Variants in IQCH observed in about 807,000 individuals in gnomAD.
IQCH encodes IQ motif containing H.
A neutral mutation model predicts 117.0 loss-of-function variants in IQCH; 98 were observed. The observed-to-expected ratio is 0.84, with a 90% CI of 0.71 to 0.99. The LOEUF (loss-of-function observed/expected upper bound fraction) is 0.99, where lower values mean the gene tolerates loss of function less well. IQCH is among the 50% of genes least tolerant of loss of function. The probability of loss-of-function intolerance (pLI) is 0.00; values close to 1 mark genes in which losing one functional copy is unlikely to be tolerated. For missense variants in IQCH, 1,102 were observed against 1,243.8 expected (o/e 0.89, Z 1.72); for synonymous variants, 412 against 448.2 (o/e 0.92, Z 1.02).
At chr15:67,258,112 TC>T (rs951380481) in intron 1 of IQCH, among the ~76,000 whole-genome samples, 10 of 151,564 alleles carry the variant, frequency 6.6e-5, no homozygotes, top group Non-Finnish European at 1.0e-4. Flanking sequence ...GCACCTGTAA[TC>T]CCAGCTACTT....
intron 18 of IQCH, among the ~76,000 whole-genome samples, chr15:67,486,238 C>T (rs2083476853): frequency 6.6e-6 from 1 of 151,566 alleles, no homozygotes; most frequent in Non-Finnish European, 1.5e-5. Context: ...CAGCATTTCA[C>T]CATGCTGGCC....
rs999893790 is a variant in IQCH at position 67,491,800 on chromosome 15, C to T, written c.2861+1736C>T. Among the ~76,000 whole-genome samples, 1 of 152,094 alleles carries T rather than the reference C, an allele frequency of 6.6e-6. No individual in the cohort carries two copies. Among genetic ancestry groups the T allele is most frequent in the African/African-American group, 2.4e-5 (1 of 41,414 alleles). On this transcript the variant is annotated intron_variant, in intron 19 of 20. Coordinates refer to ENST00000335894, the MANE Select transcript of IQCH (RefSeq NM_001031715.3). The surrounding 1 kb of genome is among the most constrained non-coding windows in gnomAD (Gnocchi z 4.9). ...TTCTGCCCCTCAGCTCCCTCCCTGC[C>T]CCACCCTTCCTTACCAGAAAATTTG... is the stretch of plus-strand genomic sequence containing the variant.
At chr15:67,311,227 C>G (rs1246579508) in intron 4 of IQCH, among the ~76,000 whole-genome samples, 1 of 152,016 alleles carries the variant, frequency 6.6e-6, no homozygotes, top group African/African-American at 2.4e-5. Context: ...GGAATGTAAG[C>G]AGTTGGTAGA....
Position 67,381,739 on chromosome 15 carries a change from G to C in IQCH, c.1373-3197G>C, listed in dbSNP as rs1970936012. On this transcript the variant is annotated intron_variant, in intron 10 of 20. Transcript: ENST00000335894. The surrounding 1 kb of genome is among the most constrained non-coding windows in gnomAD (Gnocchi z 5.1). ...CTCATGCCTATAATACCAGCACTTTGGGAGGCTGAGGTGGGTGGATCACTT... is the reference window on the plus strand; with the variant it reads ...CTCATGCCTATAATACCAGCACTTTCGGAGGCTGAGGTGGGTGGATCACTT... 6.6e-6 allele frequency among the ~76,000 whole-genome samples: 1 copy of C among 152,166 alleles called. No homozygotes were observed. The highest frequency in any genetic ancestry group is 2.4e-5 in the African/African-American group (1 of 41,432).
At chr15:67,339,968 C>T (rs28538466) in intron 5 of IQCH, among the ~76,000 whole-genome samples, 1 of 151,364 alleles carries the variant, frequency 6.6e-6, no homozygotes, top group East Asian at 1.9e-4. Flanking sequence ...GGGTAAATTT[C>T]TCTCTTCTAG....
At chr15:67,269,689 A>C (rs1215305386) in intron 3 of IQCH, among the ~76,000 whole-genome samples, 1 of 72,234 alleles carries the variant, frequency 1.4e-5, no homozygotes, top group African/African-American at 5.7e-5. Context: ...CTCCATATTC[A>C]TGAGATCCAC....
intron 4 of IQCH, among the ~76,000 whole-genome samples, chr15:67,321,231 A>C (rs992266407): frequency 6.6e-6 from 1 of 152,148 alleles, no homozygotes; most frequent in African/African-American, 2.4e-5. Context: ...GCAGATGCCC[A>C]CGCTTCAGAT....
chr15:67,295,679 A>C (rs904191840), intron 4 of IQCH, among the ~76,000 whole-genome samples: 1 of 152,136 alleles, frequency 6.6e-6, no homozygotes, highest in African/African-American at 2.4e-5. Context: ...TATTTAAACA[A>C]TATTCTTCTA....
At chr15:67,455,356 C>T (rs1221270543) in intron 16 of IQCH, among the ~76,000 whole-genome samples, 1 of 152,196 alleles carries the variant, frequency 6.6e-6, no homozygotes, top group African/African-American at 2.4e-5. Context: ...CTGAACTCTA[C>T]TCCTGACCAA....
chr15:67,261,481 A>G (rs1322630716), intron 2 of IQCH, 87 bp downstream of exon 2: 1 of 1,163,476 alleles, frequency 8.6e-7, no homozygotes, highest in Non-Finnish European at 1.2e-6. Flanking sequence ...AGAGTCCTGC[A>G]TAATTCTGTA....
intron 19 of IQCH, among the ~76,000 whole-genome samples, chr15:67,492,339 A>T (rs1175158173): frequency 1.3e-5 from 2 of 152,178 alleles, no homozygotes; most frequent in African/African-American, 2.4e-5. Context: ...AAGATTAACT[A>T]CAAAGGAGAA....
chr15:67,408,769 A>G lies in IQCH; in HGVS notation c.2098-8162A>G, dbSNP rs1404079660. Among the ~76,000 whole-genome samples the G allele has an allele frequency of 6.6e-6, 1 of 152,012 alleles. No individual in the cohort carries two copies. The highest frequency in any genetic ancestry group is 1.5e-5 in the Non-Finnish European group (1 of 68,004). On this transcript the variant is annotated intron_variant, in intron 14 of 20. Coordinates refer to ENST00000335894, the MANE Select transcript of IQCH (RefSeq NM_001031715.3). This position sits in a 1 kb window ranked among gnomAD's most constrained non-coding sequence, Gnocchi z 4.2. ...TAAAGAGCTTTCATCAGCATATGCA[A>G]TTTTCTCAACCAGCGATATTTCTCT...
In IQCH at chr15:67,279,443, A is replaced by G; in HGVS notation, c.318A>G (p.Glu106=). ...IDQKSFIFPQ[E]SEGTFWQPQR... is the part of the protein sequence containing the mutation. ...AGAAATCATTTATTTTCCCTCAGGA[A>G]TCTGAGGGTACATTTTGGCAACCCC... is the stretch of plus-strand genomic sequence containing the variant. The change falls in exon 4 of 21, where the codon GAA becomes GAG. Residue 106 remains glutamate, a synonymous_variant. Coordinates refer to ENST00000335894, the MANE Select transcript of IQCH (RefSeq NM_001031715.3). 2 of 1,609,570 alleles carry G rather than the reference A, an allele frequency of 1.2e-6. No homozygotes were observed. Among genetic ancestry groups the G allele is most frequent in the Non-Finnish European group, 1.7e-6 (2 of 1,176,812 alleles).
At position 67,426,484 on chromosome 15, in the gene IQCH, C is replaced by T. The variant is rs532547242; in HGVS notation, c.2505+4907C>T. On this transcript the variant is annotated intron_variant, in intron 16 of 20. Coordinates refer to ENST00000335894, the MANE Select transcript of IQCH (RefSeq NM_001031715.3). The surrounding 1 kb of genome is among the most constrained non-coding windows in gnomAD (Gnocchi z 5.1). ...ATTTGGGGTACAATTACAATGTATC[C>T]ACATTGTATGCATGTATCAAAATAG... Among the ~76,000 whole-genome samples the T allele has an allele frequency of 7.2e-4, 109 of 151,588 alleles. 1 individual carries two copies. The South Asian group carries it at 0.023, about 32-fold the overall frequency.
intron 10 of IQCH, among the ~76,000 whole-genome samples, chr15:67,380,381 C>CA (rs1245972218): frequency 6.6e-6 from 1 of 152,158 alleles, no homozygotes; most frequent in Non-Finnish European, 1.5e-5. Context: ...AATAGCCCCC[C>CA]AAAAAACCAA....
At chr15:67,317,889 C>T (rs546435089) in intron 4 of IQCH, among the ~76,000 whole-genome samples, 2 of 152,076 alleles carry the variant, frequency 1.3e-5, no homozygotes, top group African/African-American at 2.4e-5. Context: ...CTTCCCACCC[C>T]CAAGCCCTAC....
At chr15:67,468,875 T>C (rs940948636) in intron 17 of IQCH, among the ~76,000 whole-genome samples, 2 of 152,234 alleles carry the variant, frequency 1.3e-5, no homozygotes, top group Non-Finnish European at 2.9e-5. Flanking sequence ...ATTTATTACA[T>C]AAGGATTTCA....
chr15:67,312,461 A>G (rs955328432), intron 4 of IQCH, among the ~76,000 whole-genome samples: 12 of 152,142 alleles, frequency 7.9e-5, no homozygotes, highest in African/African-American at 2.9e-4. Context: ...CAAAGTATGC[A>G]TCAGAACAGA....
At chr15:67,265,076 A>T (rs980986709) in intron 3 of IQCH, among the ~76,000 whole-genome samples, 6 of 152,198 alleles carry the variant, frequency 3.9e-5, no homozygotes, top group Non-Finnish European at 7.3e-5. Context: ...GCTGTCACCA[A>T]TTCTAATGAA....
Sources: gnomAD v4.1 joint callset for allele counts (sites outside exome capture counted in the v4.1 genomes callset) on GRCh38, gnomAD v4.1.1 for gene constraint, Gnocchi (gnomAD v3.1) non-coding constraint, MANE v1.5 for transcripts, NCBI Gene and HGNC (gene_info 2026-07-23, HGNC 2026-07-21) for gene names.